Variants in COX10 observed in about 807,000 individuals in gnomAD.
The protein encoded by COX10 is cytochrome c oxidase assembly factor heme A:farnesyltransferase COX10.
In COX10, 27 loss-of-function variants were observed where a neutral mutation model predicts 37.3. The ratio of observed to expected loss-of-function variants is 0.72; its 90% confidence interval spans 0.53 to 1.00. The LOEUF (loss-of-function observed/expected upper bound fraction) is 1.00, where lower values mean the gene tolerates loss of function less well. COX10 is among the 50% of genes least tolerant of loss of function. The pLI is 0.00. For missense variants in COX10, 475 were observed against 563.2 expected (o/e 0.84, Z 1.59); for synonymous variants, 222 against 229.1 (o/e 0.97, Z 0.28).
chr17:14,186,985 GTTT>G (rs36094568), intron 5 of COX10, among the ~76,000 whole-genome samples: 4 of 148,808 alleles, frequency 2.7e-5, no homozygotes, highest in Non-Finnish European at 4.5e-5. Context: ...TTATTTTAAG[GTTT>G]TTTTTTTTTA....
At chr17:14,149,653 T>C (rs548009883) in intron 4 of COX10, among the ~76,000 whole-genome samples, 1 of 152,266 alleles carries the variant, frequency 6.6e-6, no homozygotes, top group Admixed American at 6.5e-5. Context: ...CAGGGACTGC[T>C]GTTGTCATTT....
At position 14,202,513 on chromosome 17, in the gene COX10, A is replaced by C. The variant is rs1252594758; in HGVS notation, c.929-4297A>C. ...GGCAAATTAATCTTTCTCATCTATA[A>C]GATGATGATGATGATACCTATAGGC... On this transcript the variant is annotated intron_variant, in intron 6 of 6. Coordinates refer to ENST00000261643, the MANE Select transcript of COX10 (RefSeq NM_001303.4). Among the ~76,000 whole-genome samples the C allele has an allele frequency of 2.6e-5, 4 of 152,212 alleles. No homozygotes were observed. The East Asian group carries it at 7.7e-4, about 29-fold the overall frequency.
At chr17:14,176,650 G>A (rs1905701680) in intron 5 of COX10, among the ~76,000 whole-genome samples, 1 of 152,040 alleles carries the variant, frequency 6.6e-6, no homozygotes, top group Non-Finnish European at 1.5e-5. Flanking sequence ...GATGAGTTCA[G>A]GGGATTTTAA....
At chr17:14,152,322 G>A (rs1339111287) in intron 4 of COX10, among the ~76,000 whole-genome samples, 2 of 152,172 alleles carry the variant, frequency 1.3e-5, no homozygotes, top group African/African-American at 2.4e-5. Context: ...CATGCAGCAG[G>A]TAAGAGAGAG....
At chr17:14,129,997 G>A (rs759194795) in intron 4 of COX10, among the ~76,000 whole-genome samples, 1 of 152,188 alleles carries the variant, frequency 6.6e-6, no homozygotes, top group African/African-American at 2.4e-5. Context: ...TGAGCCCTGT[G>A]TATATTCTTT....
At chr17:14,082,361 A>G (rs746940137) in intron 3 of COX10, among the ~76,000 whole-genome samples, 1 of 152,222 alleles carries the variant, frequency 6.6e-6, no homozygotes, top group Non-Finnish European at 1.5e-5. Context: ...TTTATTTGCC[A>G]GTTAGGAAGT....
intron 3 of COX10, among the ~76,000 whole-genome samples, chr17:14,096,512 C>T (rs1037454769): frequency 4.6e-5 from 7 of 151,340 alleles, no homozygotes; most frequent in African/African-American, 1.7e-4. Context: ...GTAGCTATGA[C>T]TAAAGGCACA....
chr17:14,163,237 ATT>A (rs1484409751), intron 5 of COX10, among the ~76,000 whole-genome samples: 5 of 3,626 alleles, frequency 1.4e-3, no homozygotes, highest in Non-Finnish European at 3.0e-3. Context: ...AGACAGGAAA[ATT>A]TATTTATTTA....
intron 4 of COX10, among the ~76,000 whole-genome samples, chr17:14,110,232 T>C (rs1915981104): frequency 6.6e-6 from 1 of 152,118 alleles, no homozygotes; most frequent in African/African-American, 2.4e-5. Context: ...AACTTTAATA[T>C]ATGTATGTTA....
intron 4 of COX10, among the ~76,000 whole-genome samples, chr17:14,156,463 C>T (rs1322811335): frequency 3.9e-5 from 6 of 152,124 alleles, no homozygotes; most frequent in Non-Finnish European, 4.4e-5. Flanking sequence ...CTCCTGAACT[C>T]GTGATCCGCC....
At chr17:14,133,930 T>A (rs533655938) in intron 4 of COX10, among the ~76,000 whole-genome samples, 1 of 151,834 alleles carries the variant, frequency 6.6e-6, no homozygotes, top group South Asian at 2.1e-4. Context: ...TTTTCTTTTT[T>A]TAAAATTTGT....
chr17:14,129,803 C>T (rs1410488206), intron 4 of COX10, among the ~76,000 whole-genome samples: 1 of 152,170 alleles, frequency 6.6e-6, no homozygotes, highest in East Asian at 1.9e-4. Context: ...GGAGGACTCT[C>T]TGGGTACAGT....
chr17:14,181,942 CT>C (rs987861614), intron 5 of COX10: 12 of 974,172 alleles, frequency 1.2e-5, no homozygotes, highest in Middle Eastern at 5.2e-4. Context: ...GTACTCCCCT[CT>C]GAATAAGAAG....
chr17:14,070,076 A>G (rs1914980710), intron 1 of COX10, among the ~76,000 whole-genome samples: 1 of 152,170 alleles, frequency 6.6e-6, no homozygotes, highest in South Asian at 2.1e-4. Context: ...TCATGATGAC[A>G]ACGTTGATGA....
chr17:14,099,212 A>G (rs935828637), intron 3 of COX10, among the ~76,000 whole-genome samples: 2 of 152,020 alleles, frequency 1.3e-5, no homozygotes, highest in African/African-American at 4.8e-5. Flanking sequence ...TGCACACCAT[A>G]TTTGGGAACA....
intron 4 of COX10, among the ~76,000 whole-genome samples, chr17:14,140,856 ATCT>A (rs755231123): frequency 5.3e-5 from 8 of 152,268 alleles, no homozygotes; most frequent in African/African-American, 1.4e-4. Context: ...ACTTGTGGTA[ATCT>A]TCTTTTAAAA....
intron 4 of COX10, among the ~76,000 whole-genome samples, chr17:14,152,659 A>G (rs1464790073): frequency 6.6e-6 from 1 of 152,204 alleles, no homozygotes; most frequent in Non-Finnish European, 1.5e-5. Flanking sequence ...GAAGAGAGCA[A>G]GAACAACCTG....
At chr17:14,172,091 C>T (rs933700047) in intron 5 of COX10, among the ~76,000 whole-genome samples, 1 of 152,080 alleles carries the variant, frequency 6.6e-6, no homozygotes, top group African/African-American at 2.4e-5. Flanking sequence ...CTGCCTTCTT[C>T]CTAACCCTCC....
At position 14,189,486 on chromosome 17, in the gene COX10, A is replaced by G. The variant is rs139426714; in HGVS notation, c.696-2503A>G. On this transcript the variant is annotated intron_variant, in intron 5 of 6. Transcript: ENST00000261643. The stretch of plus-strand genomic sequence containing the variant: ...CTTGTAAAGCATCAATGATTTCACT[A>G]TTCTTCCATCCAAGTGTTAGCATAA... Among the ~76,000 whole-genome samples, 601 of 152,336 alleles carry G rather than the reference A, an allele frequency of 3.9e-3. 4 individuals are homozygous for G. Among genetic ancestry groups the G allele is most frequent in the African/African-American group, 0.012 (517 of 41,578 alleles).
Sources: allele counts gnomAD v4.1 joint callset (sites outside exome capture counted in the v4.1 genomes callset), GRCh38; gene constraint gnomAD v4.1.1; transcripts MANE v1.5; gene names NCBI Gene and HGNC (gene_info 2026-07-23, HGNC 2026-07-21).